Variants in AGTPBP1 observed in about 807,000 individuals in gnomAD.
AGTPBP1 encodes ATP/GTP binding carboxypeptidase 1, also known as cytosolic carboxypeptidase 1.
In AGTPBP1, 70 loss-of-function variants were observed where a neutral mutation model predicts 143.9. The ratio of observed to expected loss-of-function variants is 0.49; its 90% CI spans 0.40 to 0.59. The LOEUF is 0.59. AGTPBP1 is among the 20% of genes least tolerant of loss of function. The probability of loss-of-function intolerance (pLI) is 0.00; values close to 1 mark genes in which losing one functional copy is unlikely to be tolerated. For missense variants in AGTPBP1, 1,229 were observed against 1,464.5 expected, an observed-to-expected ratio of 0.84 and a Z score of 2.62; for synonymous variants, 463 against 500.2, an observed-to-expected ratio of 0.93 and a Z score of 0.99.
intron 3 of AGTPBP1, among the ~76,000 whole-genome samples, chr9:85,687,456 C>G (rs937004332): frequency 4.6e-5 from 7 of 151,892 alleles, no homozygotes; most frequent in African/African-American, 1.7e-4. Context: ...TCAGGAGAAA[C>G]CATAAACTAA....
the AGTPBP1 span, among the ~76,000 whole-genome samples, chr9:85,780,828 A>T: frequency 6.6e-6 from 1 of 152,296 alleles, no homozygotes; most frequent in East Asian, 1.9e-4. Context: ...TTAAAACATA[A>T]TTTTGCAGCC....
intron 1 of AGTPBP1, among the ~76,000 whole-genome samples, chr9:85,717,151 G>A (rs746063501): frequency 2.0e-5 from 3 of 152,074 alleles, no homozygotes; most frequent in Admixed American, 6.6e-5. Context: ...TGCCCTTGCC[G>A]GAATCTACTT....
At chr9:85,719,135 T>A (rs772625669) in intron 1 of AGTPBP1, among the ~76,000 whole-genome samples, 1 of 152,116 alleles carries the variant, frequency 6.6e-6, no homozygotes, top group African/African-American at 2.4e-5. Flanking sequence ...TGGCTTAGGA[T>A]TGTCTTGGCT....
intron 8 of AGTPBP1, among the ~76,000 whole-genome samples, chr9:85,668,108 C>T (rs369700122): frequency 5.3e-5 from 8 of 151,738 alleles, no homozygotes; most frequent in African/African-American, 1.9e-4. Context: ...AAAAGAAAAA[C>T]AGAAAGAAAA....
the AGTPBP1 span, among the ~76,000 whole-genome samples, chr9:85,754,216 G>T: frequency 7.2e-5 from 11 of 152,264 alleles, no homozygotes; most frequent in East Asian, 9.6e-4. Flanking sequence ...GTTTGAGATG[G>T]AGTCTCGCTC....
intron 19 of AGTPBP1, 62 bp downstream of exon 19, chr9:85,592,498 C>T: frequency 7.5e-6 from 9 of 1,192,498 alleles, no homozygotes; most frequent in Non-Finnish European, 1.0e-5. Flanking sequence ...TTTAACTAAA[C>T]TCAATTTTCT....
At chr9:85,564,371 C>T (rs1826942596) in intron 25 of AGTPBP1, among the ~76,000 whole-genome samples, 1 of 152,158 alleles carries the variant, frequency 6.6e-6, no homozygotes, top group South Asian at 2.1e-4. Context: ...TTTAGAAGCA[C>T]CTAACTTGGT....
rs571924792 is a variant in AGTPBP1, at chr9:85,677,573, C to T, written c.299G>A (p.Arg100Gln). 26 of 1,517,804 alleles carry T rather than the reference C, an allele frequency of 1.7e-5. No individual in the cohort carries two copies. The highest frequency in any genetic ancestry group is 6.6e-5 in the South Asian group (5 of 76,200). 94.0% of individuals were successfully genotyped at this position (1,517,804 alleles called of 1,614,324 possible). A position where few individuals can be genotyped will look rare whatever the true frequency, so the allele number is the denominator to read the frequency against. The change falls in exon 6 of 26, where the codon CGA (arginine) becomes CAA (glutamine). Residue 100 changes from arginine (R) to glutamine (Q), a missense_variant. Coordinates refer to ENST00000357081, the MANE Select transcript of AGTPBP1 (RefSeq NM_001330701.2). ...LVELVSAGGGRRVSFLVTKGG... is the reference protein window; with the variant it reads ...LVELVSAGGGQRVSFLVTKGG... ...TTTGGTGACTAAGAAACTCACTCTT[C>T]GACCTCCACCTAAAAATTAAAAAAA...
At chr9:85,636,688 A>G (rs928459038) in intron 13 of AGTPBP1, among the ~76,000 whole-genome samples, 6 of 152,222 alleles carry the variant, frequency 3.9e-5, no homozygotes, top group Non-Finnish European at 8.8e-5. Flanking sequence ...AAAAGAGGTT[A>G]AAAGACATGA....
intron 13 of AGTPBP1, among the ~76,000 whole-genome samples, chr9:85,640,150 A>G (rs1449624037): frequency 2.6e-5 from 4 of 152,200 alleles, no homozygotes; most frequent in Non-Finnish European, 5.9e-5. Context: ...AGCTGAAGAA[A>G]ATTCTTTCAA....
chr9:85,644,293 T>C (rs1832679488), intron 12 of AGTPBP1, among the ~76,000 whole-genome samples: 1 of 151,898 alleles, frequency 6.6e-6, no homozygotes, highest in Non-Finnish European at 1.5e-5. Context: ...ATGTAATAAT[T>C]TTCTTAACAT....
intron 13 of AGTPBP1, among the ~76,000 whole-genome samples, chr9:85,634,120 G>C (rs1348656639): frequency 1.3e-5 from 2 of 150,758 alleles, no homozygotes; most frequent in Non-Finnish European, 2.9e-5. Context: ...CTTGAACCCA[G>C]GAGGTGGAGG....
At chr9:85,638,136 T>A (rs1277494964) in intron 13 of AGTPBP1, among the ~76,000 whole-genome samples, 2 of 152,060 alleles carry the variant, frequency 1.3e-5, no homozygotes, top group Admixed American at 6.6e-5. Context: ...AAAGTGTGTA[T>A]ATATATATGT....
the AGTPBP1 span, among the ~76,000 whole-genome samples, chr9:85,801,291 G>A: frequency 6.6e-6 from 1 of 152,134 alleles, no homozygotes; most frequent in African/African-American, 2.4e-5. Context: ...TGGCCTGGTT[G>A]ACAGAGCAAG....
the AGTPBP1 span, chr9:85,770,486 A>G: frequency 7.1e-5 from 110 of 1,538,938 alleles, no homozygotes; most frequent in Middle Eastern, 1.7e-4. Flanking sequence ...AGATATTTCA[A>G]TAAGGTTTGT....
chr9:85,715,408 T>C (rs1262091470), intron 1 of AGTPBP1, among the ~76,000 whole-genome samples: 2 of 152,040 alleles, frequency 1.3e-5, no homozygotes, highest in African/African-American at 2.4e-5. Flanking sequence ...ACTAGGAACC[T>C]AGCACTCAGA....
intron 13 of AGTPBP1, 67 bp from the exon 14 acceptor site, chr9:85,633,441 C>T (rs1831823333): frequency 1.6e-6 from 2 of 1,223,218 alleles, no homozygotes; most frequent in African/African-American, 3.1e-5. Context: ...AAAACTAATA[C>T]ATTCATGTTA....
At chr9:85,654,817 T>G (rs62569177) in intron 11 of AGTPBP1, among the ~76,000 whole-genome samples, 2,547 of 151,446 alleles carry the variant, frequency 0.017, 25 homozygotes, top group Middle Eastern at 0.055. Context: ...CACTCCACCC[T>G]GGGCAACAGA....
intron 2 of AGTPBP1, among the ~76,000 whole-genome samples, chr9:85,693,941 G>C (rs1393080007): frequency 6.6e-6 from 1 of 152,092 alleles, no homozygotes; most frequent in Non-Finnish European, 1.5e-5. Flanking sequence ...AAAAACGGAG[G>C]CACAAGCTCC....
Sources: gnomAD v4.1 joint callset for allele counts (sites outside exome capture counted in the v4.1 genomes callset) on GRCh38, gnomAD v4.1.1 for gene constraint, MANE v1.5 for transcripts, NCBI Gene and HGNC (gene_info 2026-07-23, HGNC 2026-07-21) for gene names.